Variants in DGKI observed in about 807,000 individuals in gnomAD.
DGKI encodes the protein diacylglycerol kinase iota.
Under a neutral mutation model 147.5 loss-of-function variants are expected in DGKI, and 55 were observed. The observed-to-expected ratio is 0.37, with a 90% confidence interval of 0.30 to 0.47. The LOEUF (loss-of-function observed/expected upper bound fraction) is 0.47, where lower values mean the gene tolerates loss of function less well. DGKI is among the 20% of genes least tolerant of loss of function. The probability of loss-of-function intolerance (pLI) is 1.00; values close to 1 mark genes in which losing one functional copy is unlikely to be tolerated. For synonymous variants in DGKI, 469 were observed against 477.1 expected (o/e 0.98, Z 0.22); for missense variants, 1,007 against 1,323.8 (o/e 0.76, Z 3.71).
At chr7:137,812,560 C>T (rs944713209) in intron 1 of DGKI, among the ~76,000 whole-genome samples, 2 of 152,218 alleles carry the variant, frequency 1.3e-5, no homozygotes, top group Admixed American at 1.3e-4. Flanking sequence ...GAGCCCCTAG[C>T]ATCATCACTG....
chr7:137,781,176 C>G (rs1404439596), intron 1 of DGKI, among the ~76,000 whole-genome samples: 1 of 152,052 alleles, frequency 6.6e-6, no homozygotes, highest in Non-Finnish European at 1.5e-5. Context: ...TCTGAGACAG[C>G]CATATCAGGA....
In DGKI at chr7:137,471,397, A is replaced by G. The variant is rs1814880867; in HGVS notation, c.2374-1778T>C. The stretch of plus-strand genomic sequence containing the variant: ...GAAGAAAACAGGAATAACATAGAAG[A>G]AGTAATAAGGACCCAATCAGAGGTT... On this transcript the variant is annotated intron_variant, in intron 23 of 32. Transcript: ENST00000614521. Among the ~76,000 whole-genome samples the G allele has an allele frequency of 1.3e-5, 2 of 152,132 alleles. 1 individual carries two copies. Among genetic ancestry groups the G allele is most frequent in the South Asian group, 4.1e-4 (2 of 4,822 alleles).
At chr7:137,402,079 C>A (rs1012270446) in intron 30 of DGKI, among the ~76,000 whole-genome samples, 13 of 152,216 alleles carry the variant, frequency 8.5e-5, no homozygotes, top group Non-Finnish European at 1.9e-4. Context: ...GAGATGAGAG[C>A]TTACTGTATA....
chr7:137,738,723 T>A (rs932872576), intron 1 of DGKI, among the ~76,000 whole-genome samples: 15 of 9,274 alleles, frequency 1.6e-3, no homozygotes, highest in East Asian at 7.2e-3. Flanking sequence ...GAAGATGAGG[T>A]TCCCCCCCCC....
intron 8 of DGKI, among the ~76,000 whole-genome samples, chr7:137,618,656 T>A (rs1312174154): frequency 1.3e-5 from 2 of 152,122 alleles, no homozygotes. Flanking sequence ...AGTAGAAATG[T>A]TAAAGAGATT....
chr7:137,560,219 GAA>G (rs1203650107), intron 19 of DGKI, among the ~76,000 whole-genome samples: 1 of 152,026 alleles, frequency 6.6e-6, no homozygotes, highest in East Asian at 1.9e-4. Flanking sequence ...GAAAGCTGCA[GAA>G]AAAAAGAGGC....
intron 1 of DGKI, among the ~76,000 whole-genome samples, chr7:137,712,040 G>T (rs1192701470): frequency 6.6e-6 from 1 of 152,006 alleles, no homozygotes; most frequent in Non-Finnish European, 1.5e-5. Context: ...TGAATGTATG[G>T]CATTTAAGTG....
chr7:137,608,883 G>T, intron 10 of DGKI, 83 bp downstream of exon 10: 2 of 1,050,630 alleles, frequency 1.9e-6, no homozygotes, highest in Non-Finnish European at 2.9e-6. Context: ...GATCCTAGTG[G>T]TACTATTTTA....
intron 19 of DGKI, among the ~76,000 whole-genome samples, chr7:137,558,198 T>C (rs543475409): frequency 1.3e-5 from 2 of 152,368 alleles, no homozygotes; most frequent in East Asian, 3.9e-4. Flanking sequence ...GCTATTTTAC[T>C]GTCAGGAACA....
chr7:137,769,314 A>C (rs1796112892), intron 1 of DGKI, among the ~76,000 whole-genome samples: 1 of 152,240 alleles, frequency 6.6e-6, no homozygotes, highest in East Asian at 1.9e-4. Context: ...TTTGGAACTA[A>C]AGTGAAAGCT....
chr7:137,659,307 T>C (rs1238895120), intron 3 of DGKI, among the ~76,000 whole-genome samples: 1 of 152,228 alleles, frequency 6.6e-6, no homozygotes, highest in Non-Finnish European at 1.5e-5. Context: ...AAATAGATTT[T>C]TAGTTCCTTA....
chr7:137,542,438 G>A (rs895465269), intron 20 of DGKI, among the ~76,000 whole-genome samples: 1 of 152,110 alleles, frequency 6.6e-6, no homozygotes, highest in Non-Finnish European at 1.5e-5. Context: ...CAATAAAAAG[G>A]AACAAATAAA....
rs781580130 is a variant in DGKI, at chr7:137,846,161, T to TCTCTCTCTCTCTCTCTCTCTCACA, written c.401+300_401+301insTGTGAGAGAGAGAGAGAGAGAGAG. Among the ~76,000 whole-genome samples, 2 of 108,182 alleles carry TCTCTCTCTCTCTCTCTCTCTCACA rather than the reference T, an allele frequency of 1.8e-5. No individual in the cohort carries two copies. The highest frequency in any genetic ancestry group is 2.8e-4 in the East Asian group (1 of 3,580). 71.0% of individuals were successfully genotyped at this position (108,182 alleles called of 152,430 possible). A position where few individuals can be genotyped will look rare whatever the true frequency, so the allele number is the denominator to read the frequency against. ...CTCTCTCTCTCTCTCTCTCTCTCTCTCACACACACACACACACACACACAC... is the reference window on the plus strand; with the variant it reads ...CTCTCTCTCTCTCTCTCTCTCTCTCTCTCTCTCTCTCTCTCTCTCTCACACACACACACACACACACACACACAC... On this transcript the variant is annotated intron_variant, in intron 1 of 32. Coordinates refer to ENST00000614521, the MANE Select transcript of DGKI (RefSeq NM_001321708.2). The surrounding 1 kb of genome is among the most constrained non-coding windows in gnomAD (Gnocchi z 4.0).
intron 27 of DGKI, chr7:137,454,712 G>C (rs1400980937): frequency 6.6e-6 from 1 of 152,100 alleles, no homozygotes; most frequent in Non-Finnish European, 1.5e-5. Context: ...TGAAGAAATA[G>C]AAAAGGCACA....
chr7:137,638,773 CAG>C (rs1466871174), intron 6 of DGKI, among the ~76,000 whole-genome samples: 5 of 149,338 alleles, frequency 3.3e-5, no homozygotes, highest in South Asian at 2.1e-4. Context: ...ATATTTTATA[CAG>C]AGATATTTAT....
intron 3 of DGKI, among the ~76,000 whole-genome samples, chr7:137,672,766 C>CCTTTTTT (rs1374893677): frequency 1.5e-5 from 1 of 65,664 alleles, no homozygotes; most frequent in African/African-American, 7.2e-5. Context: ...CTCTGTGTGT[C>CCTTTTTT]TTTTTTTTTT....
intron 32 of DGKI, among the ~76,000 whole-genome samples, chr7:137,395,346 C>A (rs1488087324): frequency 6.6e-6 from 1 of 152,208 alleles, no homozygotes; most frequent in African/African-American, 2.4e-5. Flanking sequence ...AGCAGGACAA[C>A]CCCAAAGTCC....
At chr7:137,424,016 G>T (rs1306716440) in intron 28 of DGKI, among the ~76,000 whole-genome samples, 1 of 151,958 alleles carries the variant, frequency 6.6e-6, no homozygotes, top group Non-Finnish European at 1.5e-5. Flanking sequence ...CCCTCCCCTA[G>T]ACCCACCCCT....
chr7:137,733,174 CACCA>C (rs1182403879), intron 1 of DGKI, among the ~76,000 whole-genome samples: 3 of 151,748 alleles, frequency 2.0e-5, no homozygotes, highest in Admixed American at 2.0e-4. Context: ...AACCATCTAC[CACCA>C]ACCATCTCCA....
Sources: allele counts gnomAD v4.1 joint callset (sites outside exome capture counted in the v4.1 genomes callset), GRCh38; gene constraint gnomAD v4.1.1; non-coding constraint Gnocchi (gnomAD v3.1); transcripts MANE v1.5; gene names NCBI Gene and HGNC (gene_info 2026-07-23, HGNC 2026-07-21).